TIAM1: variants seen among roughly 807,000 people sequenced by gnomAD.
TIAM1 encodes the protein TIAM Rac1 associated GEF 1.
In TIAM1, 65 loss-of-function variants were observed where a neutral mutation model predicts 163.5. That is an observed-to-expected ratio of 0.40 (90% CI 0.33 to 0.49). The LOEUF is 0.49. Ranked by LOEUF, TIAM1 falls within the 20% of genes least tolerant of loss-of-function variation. TIAM1 has a pLI of 0.77. For synonymous variants in TIAM1, 833 were observed against 810.1 expected (o/e 1.03, Z -0.48); for missense variants, 1,789 against 2,044.7 (o/e 0.87, Z 2.41).
At chr21:31,123,867 C>T (rs796130960) in intron 27 of TIAM1, 5 of 152,272 alleles carry the variant, frequency 3.3e-5, no homozygotes, top group African/African-American at 1.2e-4. Flanking sequence ...TCTATTGCTC[C>T]ACTGTAATGG....
chr21:31,252,960 C>G (rs1365633092), intron 4 of TIAM1, among the ~76,000 whole-genome samples: 5 of 152,364 alleles, frequency 3.3e-5, no homozygotes, highest in East Asian at 3.9e-4. Context: ...GGCCAAATGA[C>G]AGCTCGGGGC....
intron 4 of TIAM1, among the ~76,000 whole-genome samples, chr21:31,258,849 T>A (rs2072279182): frequency 6.6e-6 from 1 of 151,366 alleles, no homozygotes; most frequent in Non-Finnish European, 1.5e-5. Flanking sequence ...TATATTGAAC[T>A]ATCTTATGGC....
Position 31,152,699 on chromosome 21 carries a change from A to C in TIAM1, c.3303T>G (p.Thr1101=). ...MVEFQVEFLK[T]LEDGVRLVPD... ...GTACCAGTCTCACTCCATCTTCTAG[A>C]GTTTTAAGGAATTCTACTTGAAACT... is the stretch of plus-strand genomic sequence containing the variant. The change falls in exon 19 of 28, where the codon ACT becomes ACG. Residue 1101 remains threonine, a synonymous_variant. Coordinates refer to ENST00000541036, the MANE Select transcript of TIAM1 (RefSeq NM_001353694.2). The C allele has an allele frequency of 6.2e-7, 1 of 1,614,220 alleles. No individual in the cohort carries two copies. The highest frequency in any genetic ancestry group is 8.5e-7 in the Non-Finnish European group (1 of 1,180,026).
intron 2 of TIAM1, among the ~76,000 whole-genome samples, chr21:31,290,454 T>C (rs2146911770): frequency 6.6e-6 from 1 of 151,746 alleles, no homozygotes; most frequent in East Asian, 1.9e-4. Flanking sequence ...GCCAACATGG[T>C]GAAACCTCAT....
At chr21:31,341,653 GTGTGTGGTGTTCAC>G (rs775954042) in intron 1 of TIAM1, among the ~76,000 whole-genome samples, 187 of 152,340 alleles carry the variant, frequency 1.2e-3, no homozygotes, top group Non-Finnish European at 1.6e-3. Context: ...TTGGTCCACT[GTGTGTGGTGTTCAC>G]AAACAGAAAG....
chr21:31,558,171 A>G (rs1004683409), intron 1 of TIAM1, among the ~76,000 whole-genome samples: 8 of 95,276 alleles, frequency 8.4e-5, no homozygotes, highest in African/African-American at 4.1e-4. Flanking sequence ...CCGGGTGGCG[A>G]GGGGCGCGGC....
upstream of TIAM1, among the ~76,000 whole-genome samples, chr21:31,344,603 C>G (rs556737122): frequency 3.9e-5 from 6 of 152,302 alleles, no homozygotes; most frequent in African/African-American, 1.2e-4. Flanking sequence ...GCGCCCCCCA[C>G]CAGCCCTTCA....
chr21:31,216,310 GGAGAGATC>G lies in TIAM1; in HGVS notation c.2142+1235_2142+1242del, dbSNP rs147917734. Among the ~76,000 whole-genome samples, 805 of 152,244 alleles carry G rather than the reference GGAGAGATC, an allele frequency of 5.3e-3. 9 individuals are homozygous for G. Among genetic ancestry groups the G allele is most frequent in the African/African-American group, 0.019 (780 of 41,526 alleles). On this transcript the variant is annotated intron_variant, in intron 9 of 27. Coordinates refer to ENST00000541036, the MANE Select transcript of TIAM1 (RefSeq NM_001353694.2). Reference sequence around the variant, plus strand: ...TGGCTGGAACTGTCCGAGCAAACAAGGAGAGATCATTCTATCAAGTCAGTCGATGACGT... The same window carrying G: ...TGGCTGGAACTGTCCGAGCAAACAAGATTCTATCAAGTCAGTCGATGACGT...
intron 6 of TIAM1, among the ~76,000 whole-genome samples, chr21:31,234,361 G>GGGAA (rs200809021): frequency 3.3e-4 from 45 of 136,090 alleles, no homozygotes; most frequent in Non-Finnish European, 4.4e-4. Context: ...AGAGGAGGTG[G>GGGAA]GGAAGGAAGG....
At chr21:31,331,084 C>T (rs557366085) in intron 2 of TIAM1, among the ~76,000 whole-genome samples, 34 of 152,126 alleles carry the variant, frequency 2.2e-4, no homozygotes, top group Admixed American at 7.2e-4. Context: ...TCTGAGGGAT[C>T]CACTGTTGTG....
chr21:31,363,897 G>C (rs773933062), intron 2 of TIAM1, among the ~76,000 whole-genome samples: 1 of 152,090 alleles, frequency 6.6e-6, no homozygotes, highest in Non-Finnish European at 1.5e-5. Context: ...AGGAAAAAAA[G>C]GGGGAGGGGG....
chr21:31,154,496 C>G (rs1020573893), intron 16 of TIAM1, 70 bp from the exon 17 acceptor site: 11 of 1,480,950 alleles, frequency 7.4e-6, no homozygotes, highest in African/African-American at 7.0e-5. Flanking sequence ...ACACCTGGAC[C>G]GCCTAGAGGT....
chr21:31,394,699 C>G (rs1039099584), intron 2 of TIAM1, among the ~76,000 whole-genome samples: 1 of 120,532 alleles, frequency 8.3e-6, no homozygotes, highest in East Asian at 2.2e-4. Context: ...CTCTCTCTCT[C>G]TCTCTCTCGC....
chr21:31,520,368 G>A (rs1198750657), intron 1 of TIAM1, among the ~76,000 whole-genome samples: 1 of 151,498 alleles, frequency 6.6e-6, no homozygotes, highest in Non-Finnish European at 1.5e-5. Context: ...AATGACAAAC[G>A]ATGTTATACA....
chr21:31,375,832 G>A (rs1417408836), intron 2 of TIAM1, among the ~76,000 whole-genome samples: 1 of 151,920 alleles, frequency 6.6e-6, no homozygotes, highest in Non-Finnish European at 1.5e-5. Context: ...TTCGAGACCA[G>A]CCTGACCAAC....
chr21:31,487,793 A>C (rs993914988), intron 1 of TIAM1, among the ~76,000 whole-genome samples: 2 of 150,696 alleles, frequency 1.3e-5, no homozygotes, highest in African/African-American at 2.4e-5. Flanking sequence ...TCCTGACCTC[A>C]TGATCCACCC....
At chr21:31,167,072 C>G (rs1601386125) in intron 15 of TIAM1, among the ~76,000 whole-genome samples, 1 of 148,394 alleles carries the variant, frequency 6.7e-6, no homozygotes, top group Non-Finnish European at 1.5e-5. Flanking sequence ...AGTGGGAAAG[C>G]AAATAAAAGG....
intron 2 of TIAM1, among the ~76,000 whole-genome samples, chr21:31,327,665 A>G (rs1254375605): frequency 4.1e-5 from 6 of 145,824 alleles, no homozygotes; most frequent in African/African-American, 1.3e-4. Flanking sequence ...AAAAAAAAGG[A>G]AAGAAAAGAA....
intron 2 of TIAM1, among the ~76,000 whole-genome samples, chr21:31,409,064 C>T (rs1214558175): frequency 3.9e-5 from 6 of 152,080 alleles, no homozygotes; most frequent in Admixed American, 2.6e-4. Context: ...CTCCCACACT[C>T]ATGCTCCTCA....
Sources: allele counts gnomAD v4.1 joint callset (sites outside exome capture counted in the v4.1 genomes callset), GRCh38; gene constraint gnomAD v4.1.1; transcripts MANE v1.5; gene names NCBI Gene and HGNC (gene_info 2026-07-23, HGNC 2026-07-21).